LYRM4: variants seen among roughly 807,000 people sequenced by gnomAD.
LYRM4 encodes the protein LYR motif-containing protein 4.
A neutral mutation model predicts 11.7 loss-of-function variants in LYRM4; 9 were observed. The observed-to-expected ratio is 0.77, with a 90% CI of 0.46 to 1.34. The LOEUF (loss-of-function observed/expected upper bound fraction) is 1.34, where lower values mean the gene tolerates loss of function less well. Among genes scored for constraint, LYRM4 ranks in the 40% most tolerant of loss-of-function variants. The pLI is 0.00. For synonymous variants in LYRM4, 42 were observed against 40.4 expected, an observed-to-expected ratio of 1.04 and a Z score of -0.15; for missense variants, 133 against 112.5, an observed-to-expected ratio of 1.18 and a Z score of -0.82.
chr6:5,159,892 C>T (rs72811682), intron 2 of LYRM4, among the ~76,000 whole-genome samples: 2 of 152,304 alleles, frequency 1.3e-5, no homozygotes, highest in Non-Finnish European at 2.9e-5. Flanking sequence ...TTTCTCACAT[C>T]CTCATCTTCC....
the LYRM4 span, among the ~76,000 whole-genome samples, chr6:5,081,662 T>C: frequency 6.6e-6 from 1 of 152,240 alleles, no homozygotes; most frequent in East Asian, 1.9e-4. Context: ...GTTCCTGAAA[T>C]AGAAAGGCTA....
At chr6:5,258,496 G>A (rs904043639) in intron 1 of LYRM4, among the ~76,000 whole-genome samples, 1 of 152,234 alleles carries the variant, frequency 6.6e-6, no homozygotes, top group Non-Finnish European at 1.5e-5. Context: ...AGAATTGATA[G>A]TGGATGTTGT....
chr6:5,103,525 G>A (rs1280780256), downstream of LYRM4: 1 of 152,134 alleles, frequency 6.6e-6, no homozygotes, highest in African/African-American at 2.4e-5. Flanking sequence ...CCACGACTGT[G>A]GGCAGGTCCT....
At chr6:5,114,157 T>C (rs1442655081) in intron 2 of LYRM4, among the ~76,000 whole-genome samples, 1 of 152,140 alleles carries the variant, frequency 6.6e-6, no homozygotes, top group African/African-American at 2.4e-5. Flanking sequence ...CTCCAGTTTG[T>C]CTCCGTTCTG....
the LYRM4 span, among the ~76,000 whole-genome samples, chr6:5,076,026 C>G: frequency 6.6e-6 from 1 of 151,770 alleles, no homozygotes; most frequent in Non-Finnish European, 1.5e-5. Flanking sequence ...CTCACTGCAG[C>G]CTCATTCTCC....
downstream of LYRM4, among the ~76,000 whole-genome samples, chr6:5,099,125 C>T (rs545628650): frequency 6.6e-6 from 1 of 152,198 alleles, no homozygotes; most frequent in Admixed American, 6.5e-5. This position sits in a 1 kb window ranked among gnomAD's most constrained non-coding sequence, Gnocchi z 4.3. Context: ...GTGGGGGCTA[C>T]AATCTGGGCA....
At chr6:5,162,511 G>GAGAGAGAGAGAGAGAA (rs60651754) in intron 2 of LYRM4, among the ~76,000 whole-genome samples, 19,223 of 147,538 alleles carry the variant, frequency 0.13, 1,312 homozygotes, top group Non-Finnish European at 0.15. Context: ...GAGAGAGAGA[G>GAGAGAGAGAGAGAGAA]AGAGAGAGAG....
In LYRM4 at chr6:5,256,217, C is replaced by T. The variant is rs139255837; in HGVS notation, c.86+4431G>A. On this transcript the variant is annotated intron_variant, in intron 1 of 2. Coordinates refer to ENST00000330636, the MANE Select transcript of LYRM4 (RefSeq NM_020408.6). ...TAAGAATGTGGTTCTTGGCCAGGCGCGGTGGCTCATGCCTGTAATCCCAGC... is the reference window on the plus strand; with the variant it reads ...TAAGAATGTGGTTCTTGGCCAGGCGTGGTGGCTCATGCCTGTAATCCCAGC... Among the ~76,000 whole-genome samples the T allele has an allele frequency of 6.3e-3, 961 of 151,928 alleles. 12 individuals carry two copies. Among genetic ancestry groups the T allele is most frequent in the African/African-American group, 0.022 (910 of 41,448 alleles).
At chr6:5,155,897 A>C (rs1188801821) in intron 2 of LYRM4, among the ~76,000 whole-genome samples, 3 of 152,262 alleles carry the variant, frequency 2.0e-5, no homozygotes, top group Admixed American at 1.3e-4. Context: ...AATACACATT[A>C]GTTGTCTCCT....
In LYRM4 at chr6:5,213,361, C is replaced by T. The variant is rs77072334; in HGVS notation, c.207+3257G>A. On this transcript the variant is annotated intron_variant, in intron 2 of 2. Coordinates refer to ENST00000330636, the MANE Select transcript of LYRM4 (RefSeq NM_020408.6). ...GGTATCATTAGCACCACAGCTGACT[C>T]ACGTGACTGAAGAAGCCACCCTCTG... Among the ~76,000 whole-genome samples the T allele has an allele frequency of 3.3e-3, 499 of 152,326 alleles. 2 individuals carry two copies. Among genetic ancestry groups the T allele is most frequent in the African/African-American group, 0.012 (481 of 41,564 alleles).
At chr6:5,229,132 G>T (rs1404445693) in intron 1 of LYRM4, among the ~76,000 whole-genome samples, 2 of 152,048 alleles carry the variant, frequency 1.3e-5, no homozygotes, top group Non-Finnish European at 2.9e-5. Context: ...GTGAAAAAAG[G>T]TCAGTAGACA....
At chr6:5,098,941 G>A (rs1163719535), downstream of LYRM4, among the ~76,000 whole-genome samples, 1 of 152,122 alleles carries the variant, frequency 6.6e-6, no homozygotes, top group Admixed American at 6.5e-5. Context: ...GTTGCCGAGA[G>A]GACTTTTCCC....
the LYRM4 span, chr6:5,034,753 C>CTTTTTTTTTTTTTTTTTTTTTTTTT: frequency 2.2e-4 from 21 of 93,874 alleles, 4 homozygotes; most frequent in African/African-American, 1.1e-3. Flanking sequence ...TACAGCAATG[C>CTTTTTTTTTTTTTTTTTTTTTTTTT]TTTTTTTTTT....
intron 2 of LYRM4, among the ~76,000 whole-genome samples, chr6:5,123,908 C>G (rs1308603033): frequency 1.3e-5 from 2 of 152,234 alleles, no homozygotes; most frequent in Admixed American, 6.5e-5. Context: ...CTGCACAGAA[C>G]AGCTGTGTGC....
intron 2 of LYRM4, among the ~76,000 whole-genome samples, chr6:5,211,656 A>G (rs1761992728): frequency 6.6e-6 from 1 of 152,242 alleles, no homozygotes; most frequent in Admixed American, 6.5e-5. Flanking sequence ...CACAAGCTTA[A>G]GAACAGCTGC....
intron 2 of LYRM4, chr6:5,136,905 T>A (rs1757128980): frequency 1.1e-6 from 1 of 875,738 alleles, no homozygotes; most frequent in Non-Finnish European, 1.4e-6. Context: ...GTTTTTAGTA[T>A]ATTCACAGTT....
At chr6:5,232,513 A>G (rs1581564794) in intron 1 of LYRM4, among the ~76,000 whole-genome samples, 1 of 152,234 alleles carries the variant, frequency 6.6e-6, no homozygotes, top group African/African-American at 2.4e-5. Flanking sequence ...AATTTGCTGC[A>G]CTGGTAATAA....
intron 2 of LYRM4, among the ~76,000 whole-genome samples, chr6:5,175,282 TA>T (rs1413688112): frequency 3.9e-5 from 6 of 152,204 alleles, no homozygotes; most frequent in Non-Finnish European, 1.5e-5. Context: ...AATTTCACAT[TA>T]AAATGGGAAA....
At chr6:5,154,267 G>A (rs1758256274) in intron 2 of LYRM4, among the ~76,000 whole-genome samples, 1 of 152,172 alleles carries the variant, frequency 6.6e-6, no homozygotes, top group Non-Finnish European at 1.5e-5. Flanking sequence ...ACATAAAAAT[G>A]TAATGCAGTA....
Sources: allele counts gnomAD v4.1 joint callset (sites outside exome capture counted in the v4.1 genomes callset), GRCh38; gene constraint gnomAD v4.1.1; non-coding constraint Gnocchi (gnomAD v3.1); transcripts MANE v1.5; gene names NCBI Gene and HGNC (gene_info 2026-07-23, HGNC 2026-07-21).